The following KIF24 variants were observed in gnomAD, a reference collection of about 807,000 sequenced individuals.
KIF24 encodes kinesin-like protein KIF24.
A neutral mutation model predicts 118.9 loss-of-function variants in KIF24; 81 were observed. The observed-to-expected ratio is 0.68, with a 90% CI of 0.57 to 0.82. KIF24 has a LOEUF of 0.82. Among genes scored for constraint, KIF24 ranks in the 40% least tolerant of loss-of-function variants. The pLI, the probability that KIF24 is intolerant of heterozygous loss-of-function variation, is 0.00. For synonymous variants in KIF24, 599 were observed against 610.0 expected (o/e 0.98, Z 0.27); for missense variants, 1,560 against 1,661.6 (o/e 0.94, Z 1.06).
intron 3 of KIF24, among the ~76,000 whole-genome samples, chr9:34,303,402 T>C (rs531862763): frequency 6.6e-6 from 1 of 152,390 alleles, no homozygotes; most frequent in South Asian, 2.1e-4. Flanking sequence ...TAATCAAGTA[T>C]GGTTGTTGCA....
intron 1 of KIF24, among the ~76,000 whole-genome samples, chr9:34,328,312 G>A (rs1485970123): frequency 1.3e-5 from 2 of 152,098 alleles, no homozygotes; most frequent in African/African-American, 2.4e-5. Flanking sequence ...AATAGCTGCC[G>A]GTCACTAAGA....
chr9:34,262,675 A>T (rs7867458), intron 9 of KIF24, among the ~76,000 whole-genome samples: 979 of 26,498 alleles, frequency 0.037, 37 homozygotes, highest in Middle Eastern at 0.091. Context: ...AAAAAAAAAA[A>T]ATATATATAT....
At chr9:34,269,142 C>A in intron 8 of KIF24, 115 bp downstream of exon 8, 1 of 567,594 alleles carries the variant, frequency 1.8e-6, no homozygotes, top group Non-Finnish European at 3.1e-6. Context: ...TCTATTACTA[C>A]ATAAGAACAG....
chr9:34,294,157 A>G (rs1431551405), intron 4 of KIF24, among the ~76,000 whole-genome samples: 1 of 152,004 alleles, frequency 6.6e-6, no homozygotes, highest in African/African-American at 2.4e-5. Flanking sequence ...GTCTCACTAT[A>G]TTGCCCAGGC....
At chr9:34,263,342 T>C (rs181893929) in intron 8 of KIF24, among the ~76,000 whole-genome samples, 170 bp from the exon 9 acceptor site, 40 of 152,230 alleles carry the variant, frequency 2.6e-4, no homozygotes, top group Admixed American at 6.5e-4. Flanking sequence ...GAAACCAAGC[T>C]AGATTGGGAA....
chr9:34,267,513 A>C (rs930753902), intron 8 of KIF24, among the ~76,000 whole-genome samples: 1 of 152,176 alleles, frequency 6.6e-6, no homozygotes, highest in Non-Finnish European at 1.5e-5. Context: ...AACAGAAATA[A>C]TACATGAGCC....
At chr9:34,299,804 ATGTGTGTGTGTG>A (rs750264704) in intron 3 of KIF24, among the ~76,000 whole-genome samples, 1 of 123,204 alleles carries the variant, frequency 8.1e-6, no homozygotes, top group Admixed American at 9.1e-5. Flanking sequence ...GGCTACCAAG[ATGTGTGTGTGTG>A]TGTGTGCGTG....
At chr9:34,258,855 C>T (rs1189220091) in intron 10 of KIF24, among the ~76,000 whole-genome samples, 1 of 152,180 alleles carries the variant, frequency 6.6e-6, no homozygotes, top group East Asian at 1.9e-4. Flanking sequence ...GTTTCTCAAC[C>T]TTAGCACTAT....
chr9:34,254,560 G>A (rs1341464041), intron 12 of KIF24, 40 bp from the exon 13 acceptor site: 1 of 1,596,198 alleles, frequency 6.3e-7, no homozygotes, highest in Admixed American at 1.7e-5. Context: ...TTTTGCTCTT[G>A]CTGGCGCTCT....
intron 3 of KIF24, among the ~76,000 whole-genome samples, chr9:34,305,628 G>A (rs918917991): frequency 6.6e-6 from 1 of 152,180 alleles, no homozygotes; most frequent in East Asian, 1.9e-4. Flanking sequence ...TTTAGAGGCA[G>A]ATCCTCCCTC....
At chr9:34,324,706 G>C (rs537500965) in intron 1 of KIF24, among the ~76,000 whole-genome samples, 1 of 152,162 alleles carries the variant, frequency 6.6e-6, no homozygotes, top group Non-Finnish European at 1.5e-5. Context: ...TCCTAAGCAT[G>C]ACCCACAAAT....
intron 5 of KIF24, among the ~76,000 whole-genome samples, chr9:34,289,943 T>A (rs913497557): frequency 2.0e-5 from 3 of 152,216 alleles, no homozygotes; most frequent in Non-Finnish European, 4.4e-5. Context: ...AGTCTTTTGA[T>A]AGACATTAGA....
At chr9:34,300,391 C>A (rs999754619) in intron 3 of KIF24, among the ~76,000 whole-genome samples, 2 of 149,034 alleles carry the variant, frequency 1.3e-5, no homozygotes, top group African/African-American at 5.0e-5. Flanking sequence ...TTTTTTGAGA[C>A]AGAGTCTCAC....
At chr9:34,305,856 G>A (rs1421401654) in intron 3 of KIF24, among the ~76,000 whole-genome samples, 1 of 152,110 alleles carries the variant, frequency 6.6e-6, no homozygotes, top group Non-Finnish European at 1.5e-5. Context: ...TCCTCCCACT[G>A]CAGCCTCCCA....
chr9:34,256,603 C>T lies in KIF24; in HGVS notation c.3004G>A (p.Asp1002Asn), dbSNP rs777128018. ...TCTCTCAGAGGTGTGGTGACTGTGT[C>T]TCTTTGGTCTGGGGATCCAGGAACT... is the stretch of plus-strand genomic sequence containing the variant. ...VAVPGSPDQR[D>N]TVTTPLREVS... The change falls in exon 11 of 13, where the codon GAC becomes AAC. Residue 1002 changes from aspartate to asparagine, a missense_variant. Asp to Asn is a conservative substitution (Grantham distance 23). Around this residue, in one of 3 missense-constraint regions of KIF24, gnomAD observed 591 missense variants for 655.6 expected, o/e 0.90. Transcript: ENST00000402558. 3 of 1,613,964 alleles carry T rather than the reference C, an allele frequency of 1.9e-6. No homozygotes were observed. The highest frequency in any genetic ancestry group is 2.5e-6 in the Non-Finnish European group (3 of 1,179,888).
chr9:34,326,613 G>A (rs1837679541), intron 1 of KIF24, among the ~76,000 whole-genome samples: 1 of 152,122 alleles, frequency 6.6e-6, no homozygotes, highest in Admixed American at 6.6e-5. Context: ...GGTTCCACGT[G>A]AGCACATTAG....
At position 34,318,330 on chromosome 9, in the gene KIF24, G is replaced by GC. The variant is rs2131827163; in HGVS notation, c.-25-6960dup. The stretch of plus-strand genomic sequence containing the variant: ...AGACTCCCGTCTTGGAGCCAGCCCA[G>GC]CCCAACCCAGCCCAACCCAGCTTGA... On this transcript the variant is annotated intron_variant, in intron 1 of 12. Transcript: ENST00000402558. The surrounding 1 kb of genome is among the most constrained non-coding windows in gnomAD (Gnocchi z 4.9). 1.7e-6 allele frequency: 1 copy of GC among 571,670 alleles called. No homozygotes were observed. The highest frequency in any genetic ancestry group is 3.2e-6 in the Non-Finnish European group (1 of 317,006). 35.4% of individuals were successfully genotyped at this position (571,670 alleles called of 1,614,324 possible).
chr9:34,272,134 C>A (rs548218967), intron 6 of KIF24, among the ~76,000 whole-genome samples: 2 of 152,276 alleles, frequency 1.3e-5, no homozygotes, highest in East Asian at 3.9e-4. Flanking sequence ...AAATACTAAT[C>A]CTGTGGAAGA....
At chr9:34,271,783 G>T (rs1409195391) in intron 7 of KIF24, 26 bp downstream of exon 7, 1 of 1,611,182 alleles carries the variant, frequency 6.2e-7, no homozygotes, top group Non-Finnish European at 8.5e-7. Flanking sequence ...GGCAGACAAT[G>T]TAACTCCCTG....
Sources: allele counts gnomAD v4.1 joint callset (sites outside exome capture counted in the v4.1 genomes callset), GRCh38; gene constraint gnomAD v4.1.1; regional missense constraint gnomAD v4.1.1; non-coding constraint Gnocchi (gnomAD v3.1); transcripts MANE v1.5; gene names NCBI Gene and HGNC (gene_info 2026-07-23, HGNC 2026-07-21).